TOM1L2: variants seen among roughly 807,000 people sequenced by gnomAD.
The protein encoded by TOM1L2 is TOM1-like protein 2.
TOM1L2 carries 31 observed loss-of-function variants against 67.9 expected under a neutral mutation model. The ratio of observed to expected loss-of-function variants is 0.46; its 90% CI spans 0.34 to 0.62. The LOEUF is 0.62. Ranked by LOEUF, TOM1L2 falls within the 20% of genes least tolerant of loss-of-function variation. The pLI is 0.01. For missense variants in TOM1L2, 606 were observed against 663.5 expected, an observed-to-expected ratio of 0.91 and a Z score of 0.95; for synonymous variants, 256 against 254.0, an observed-to-expected ratio of 1.01 and a Z score of -0.07.
chr17:17,910,412 G>A (rs1426466608), intron 1 of TOM1L2, among the ~76,000 whole-genome samples: 1 of 152,154 alleles, frequency 6.6e-6, no homozygotes, highest in East Asian at 1.9e-4. Flanking sequence ...ATGAATGACT[G>A]CATTAGCAAC....
chr17:17,916,247 G>A (rs1346044076), intron 1 of TOM1L2, among the ~76,000 whole-genome samples: 2 of 151,942 alleles, frequency 1.3e-5, no homozygotes, highest in African/African-American at 4.8e-5. Flanking sequence ...CTAATTTTTT[G>A]TATTTTTAGT....
chr17:17,902,435 C>T (rs972892916), intron 2 of TOM1L2, among the ~76,000 whole-genome samples: 15 of 152,234 alleles, frequency 9.9e-5, no homozygotes, highest in African/African-American at 3.1e-4. Flanking sequence ...TCAGTGGCTG[C>T]GGCCAGGTGA....
At chr17:17,852,592 A>C (rs557276282) in intron 12 of TOM1L2, among the ~76,000 whole-genome samples, 1 of 152,194 alleles carries the variant, frequency 6.6e-6, no homozygotes, top group South Asian at 2.1e-4. Flanking sequence ...TGAGCAGGGC[A>C]CGGTGGCTCA....
intron 7 of TOM1L2, 36 bp downstream of exon 7, chr17:17,879,591 C>A (rs769040668): frequency 1.9e-6 from 3 of 1,549,068 alleles, no homozygotes; most frequent in Non-Finnish European, 1.8e-6. Context: ...GGAAGAGCTG[C>A]CACCACAGGC....
At chr17:17,851,106 AAC>A in intron 12 of TOM1L2, 154 bp from the exon 13 acceptor site, 1 of 736,136 alleles carries the variant, frequency 1.4e-6, no homozygotes. Flanking sequence ...ACACAGGGGC[AAC>A]ACAGGGCAGC....
intron 11 of TOM1L2, 73 bp from the exon 12 acceptor site, chr17:17,861,624 G>A (rs2036565458): frequency 7.6e-7 from 1 of 1,319,926 alleles, no homozygotes; most frequent in Non-Finnish European, 1.1e-6. Context: ...GTAGTGGCCT[G>A]TAATCACTTC....
chr17:17,944,380 G>C (rs533823293), intron 1 of TOM1L2, among the ~76,000 whole-genome samples: 1 of 152,214 alleles, frequency 6.6e-6, no homozygotes, highest in African/African-American at 2.4e-5. Flanking sequence ...GGCTAATTCA[G>C]TGCCTAAAAA....
At chr17:17,966,341 A>C (rs1365009531) in intron 1 of TOM1L2, among the ~76,000 whole-genome samples, 1 of 152,138 alleles carries the variant, frequency 6.6e-6, no homozygotes, top group South Asian at 2.1e-4. Flanking sequence ...TAAATGAACA[A>C]ATTCTAAATA....
intron 13 of TOM1L2, among the ~76,000 whole-genome samples, chr17:17,849,612 G>A (rs1377513287): frequency 1.3e-5 from 2 of 152,236 alleles, no homozygotes; most frequent in East Asian, 3.8e-4. Context: ...GGTTCCCTGG[G>A]GACTGGGGAA....
At chr17:17,892,025 C>G (rs542967154) in intron 4 of TOM1L2, among the ~76,000 whole-genome samples, 1 of 152,044 alleles carries the variant, frequency 6.6e-6, no homozygotes, top group Non-Finnish European at 1.5e-5. Context: ...TCTTAGGGAA[C>G]GAAGAATGAG....
At chr17:17,952,273 T>A (rs1174919837) in intron 1 of TOM1L2, among the ~76,000 whole-genome samples, 1 of 151,474 alleles carries the variant, frequency 6.6e-6, no homozygotes, top group Non-Finnish European at 1.5e-5. Context: ...AGAAACTTCA[T>A]GGAACATGCG....
intron 1 of TOM1L2, among the ~76,000 whole-genome samples, chr17:17,951,446 A>G (rs962008569): frequency 5.9e-5 from 9 of 152,220 alleles, no homozygotes; most frequent in African/African-American, 2.2e-4. Flanking sequence ...CTCAAGCCTC[A>G]TGTGTCACCA....
intron 1 of TOM1L2, among the ~76,000 whole-genome samples, chr17:17,960,464 G>A (rs1479876158): frequency 2.0e-5 from 3 of 152,158 alleles, no homozygotes; most frequent in Non-Finnish European, 4.4e-5. Flanking sequence ...CTCCTCCCAA[G>A]TAGCTGGGAC....
At chr17:17,897,517 G>A (rs1228880479) in intron 3 of TOM1L2, among the ~76,000 whole-genome samples, 1 of 152,166 alleles carries the variant, frequency 6.6e-6, no homozygotes, top group African/African-American at 2.4e-5. Flanking sequence ...AGAACTCACT[G>A]TGGCCCAGAT....
At chr17:17,939,209 T>C (rs1237184416) in intron 1 of TOM1L2, among the ~76,000 whole-genome samples, 1 of 152,234 alleles carries the variant, frequency 6.6e-6, no homozygotes. Flanking sequence ...TGCCTAACTT[T>C]TGGTGTTGAG....
chr17:17,953,248 C>G (rs529693782), intron 1 of TOM1L2, among the ~76,000 whole-genome samples: 1 of 152,176 alleles, frequency 6.6e-6, no homozygotes, highest in East Asian at 1.9e-4. Flanking sequence ...TCACTGCACT[C>G]CAGCCTGGGC....
chr17:17,851,190 C>T (rs889806669), intron 12 of TOM1L2: 53 of 544,968 alleles, frequency 9.7e-5, no homozygotes, highest in Middle Eastern at 9.6e-4. Context: ...GCAGGGCCGG[C>T]GGTAAGGAAG....
chr17:17,926,039 C>A (rs1393161084), intron 1 of TOM1L2, among the ~76,000 whole-genome samples: 1 of 151,884 alleles, frequency 6.6e-6, no homozygotes, highest in Non-Finnish European at 1.5e-5. Flanking sequence ...GGCTCAGTGG[C>A]ACGCACCTGT....
At position 17,882,506 on chromosome 17, in the gene TOM1L2, T is replaced by C. The variant is rs1021435016; in HGVS notation, c.660+199A>G. Among the ~76,000 whole-genome samples, 5 of 152,196 alleles carry C rather than the reference T, an allele frequency of 3.3e-5. No homozygotes were observed. In the East Asian group the frequency reaches 9.6e-4, roughly 29 times the overall value. On this transcript the variant is annotated intron_variant, in intron 6 of 14. Coordinates refer to ENST00000379504, the MANE Select transcript of TOM1L2 (RefSeq NM_001082968.2). ...TGGGCTCACAACTCTGAGCCCTTGG[T>C]TCTGCTCCCCACCACAGCCTGACCA...
Sources: allele counts gnomAD v4.1 joint callset (sites outside exome capture counted in the v4.1 genomes callset), GRCh38; gene constraint gnomAD v4.1.1; transcripts MANE v1.5; gene names NCBI Gene and HGNC (gene_info 2026-07-23, HGNC 2026-07-21).